GNA14: variants seen among roughly 807,000 people sequenced by gnomAD.
The protein encoded by GNA14 is guanine nucleotide-binding protein subunit alpha-14.
In GNA14, 50 loss-of-function variants were observed where a neutral mutation model predicts 42.0. The observed-to-expected ratio is 1.19, with a 90% CI of 0.95 to 1.51. The LOEUF (loss-of-function observed/expected upper bound fraction) is 1.51. GNA14 is among the 40% of genes most tolerant of loss of function. The probability of loss-of-function intolerance (pLI) is 0.00; values close to 1 mark genes in which losing one functional copy is unlikely to be tolerated. For synonymous variants in GNA14, 173 were observed against 163.1 expected (o/e 1.06, Z -0.46); for missense variants, 473 against 446.2 (o/e 1.06, Z -0.54).
At chr9:77,427,887 C>G (rs933731809) in intron 5 of GNA14, among the ~76,000 whole-genome samples, 4 of 152,146 alleles carry the variant, frequency 2.6e-5, no homozygotes, top group African/African-American at 9.7e-5. Flanking sequence ...CACTAGGGAT[C>G]TAATTTGGGA....
intron 1 of GNA14, among the ~76,000 whole-genome samples, chr9:77,646,653 C>T (rs57449548): frequency 6.6e-5 from 10 of 152,196 alleles, no homozygotes; most frequent in African/African-American, 2.4e-4. Context: ...GAGAAGATTC[C>T]TGTTCAAAAG....
At chr9:77,442,255 C>T (rs1463105746) in intron 2 of GNA14, among the ~76,000 whole-genome samples, 2 of 152,168 alleles carry the variant, frequency 1.3e-5, no homozygotes, top group Non-Finnish European at 2.9e-5. Flanking sequence ...GCCTATAATC[C>T]TAGCTACTCG....
intron 5 of GNA14, among the ~76,000 whole-genome samples, chr9:77,428,117 T>C (rs1165962746): frequency 1.1e-4 from 16 of 148,130 alleles, no homozygotes; most frequent in South Asian, 2.2e-4. Context: ...CTCGCTCTGT[T>C]GCCCAGGCTG....
At chr9:77,575,792 TC>T (rs1246407245) in intron 1 of GNA14, among the ~76,000 whole-genome samples, 1 of 152,232 alleles carries the variant, frequency 6.6e-6, no homozygotes, top group African/African-American at 2.4e-5. Context: ...CCTCAGATAT[TC>T]TGATTTAATT....
intron 2 of GNA14, among the ~76,000 whole-genome samples, chr9:77,497,559 T>G (rs1836891429): frequency 6.6e-6 from 1 of 152,182 alleles, no homozygotes. Flanking sequence ...TTGGCGCATT[T>G]TACAACTATG....
chr9:77,577,486 G>T (rs1823146818), intron 1 of GNA14, among the ~76,000 whole-genome samples: 1 of 152,160 alleles, frequency 6.6e-6, no homozygotes, highest in African/African-American at 2.4e-5. Flanking sequence ...AGGTCAAGAT[G>T]CTTTCAAAAA....
chr9:77,483,383 G>A (rs1836598126), intron 2 of GNA14, among the ~76,000 whole-genome samples: 1 of 152,154 alleles, frequency 6.6e-6, no homozygotes, highest in Non-Finnish European at 1.5e-5. Flanking sequence ...CTGTAGAACA[G>A]CGGATATGGG....
At chr9:77,452,071 A>C (rs1835910230) in intron 2 of GNA14, among the ~76,000 whole-genome samples, 1 of 152,164 alleles carries the variant, frequency 6.6e-6, no homozygotes, top group Non-Finnish European at 1.5e-5. Flanking sequence ...AACTCCACAG[A>C]GGCTGACTTG....
intron 1 of GNA14, among the ~76,000 whole-genome samples, chr9:77,643,038 T>A (rs1824293083): frequency 6.6e-6 from 1 of 152,182 alleles, no homozygotes; most frequent in African/African-American, 2.4e-5. Flanking sequence ...TACCTCTTAA[T>A]CTCTGTTAAG....
chr9:77,442,680 C>T (rs1250157358), intron 2 of GNA14, among the ~76,000 whole-genome samples: 2 of 152,190 alleles, frequency 1.3e-5, no homozygotes, highest in African/African-American at 4.8e-5. Context: ...TCATGACAAT[C>T]TCAGATATCA....
At chr9:77,643,972 A>C (rs1286641575) in intron 1 of GNA14, among the ~76,000 whole-genome samples, 1 of 152,238 alleles carries the variant, frequency 6.6e-6, no homozygotes, top group East Asian at 1.9e-4. Context: ...AAACCCAGGC[A>C]GACTGGGCTA....
chr9:77,468,104 T>G (rs1442572713), intron 2 of GNA14, among the ~76,000 whole-genome samples: 1 of 152,114 alleles, frequency 6.6e-6, no homozygotes, highest in Non-Finnish European at 1.5e-5. Flanking sequence ...GACTAGGAGC[T>G]GGGGAGTGGA....
At position 77,465,618 on chromosome 9, in the gene GNA14, T is replaced by C. The variant is rs1042637890; in HGVS notation, c.310-31096A>G. ...TTTTATTCCCACCATCACCAATGTA[T>C]GAGAGTTGCCTTCATTTTCAAAACA... On this transcript the variant is annotated intron_variant, in intron 2 of 6. Transcript: ENST00000341700. 2.0e-5 allele frequency among the ~76,000 whole-genome samples: 3 copies of C among 152,198 alleles called. No individual in the cohort carries two copies. In the South Asian group the frequency reaches 6.2e-4, roughly 32 times the overall value.
At chr9:77,449,788 G>A (rs766332267) in intron 2 of GNA14, among the ~76,000 whole-genome samples, 7 of 152,338 alleles carry the variant, frequency 4.6e-5, no homozygotes, top group South Asian at 4.1e-4. Context: ...AGGTATAGCC[G>A]AGGCTGAGCT....
At chr9:77,593,915 C>T (rs751736099) in intron 1 of GNA14, among the ~76,000 whole-genome samples, 13 of 152,194 alleles carry the variant, frequency 8.5e-5, no homozygotes, top group Non-Finnish European at 1.5e-4. Flanking sequence ...AGTGAGCACA[C>T]GAGAGTCTGA....
intron 2 of GNA14, among the ~76,000 whole-genome samples, chr9:77,511,469 C>T (rs1011883306): frequency 7.2e-5 from 11 of 152,196 alleles, no homozygotes; most frequent in African/African-American, 2.7e-4. Context: ...GGAAGCGTAA[C>T]ACATGTGTGT....
At chr9:77,576,015 C>G (rs1823123201) in intron 1 of GNA14, among the ~76,000 whole-genome samples, 1 of 152,150 alleles carries the variant, frequency 6.6e-6, no homozygotes, top group African/African-American at 2.4e-5. Context: ...AATGTTGTTG[C>G]AATGAATTTA....
intron 2 of GNA14, among the ~76,000 whole-genome samples, chr9:77,502,764 C>G (rs1446413781): frequency 6.6e-6 from 1 of 152,150 alleles, no homozygotes; most frequent in African/African-American, 2.4e-5. Flanking sequence ...GAGTGGGAGG[C>G]TAGACTTCCC....
rs570271237 is a variant in GNA14 at position 77,526,876 on chromosome 9, G to A, written c.309+2193C>T. On this transcript the variant is annotated intron_variant, in intron 2 of 6. Coordinates refer to ENST00000341700, the MANE Select transcript of GNA14 (RefSeq NM_004297.4). ...GTCAAGAGAAAAGGAGACAGTGGTA[G>A]ATGTCAAACCACATAAAACCACTTT... Among the ~76,000 whole-genome samples, 10 of 152,326 alleles carry A rather than the reference G, an allele frequency of 6.6e-5. No homozygotes were observed. The South Asian group carries it at 2.1e-3, about 32-fold the overall frequency.
Sources: allele counts gnomAD v4.1 joint callset (sites outside exome capture counted in the v4.1 genomes callset), GRCh38; gene constraint gnomAD v4.1.1; transcripts MANE v1.5; gene names NCBI Gene and HGNC (gene_info 2026-07-23, HGNC 2026-07-21).